The following RGS5 variants were observed in gnomAD, a reference collection of about 807,000 sequenced individuals.
The protein encoded by RGS5 is regulator of G protein signaling 5.
RGS5 carries 20 observed loss-of-function variants against 18.9 expected under a neutral mutation model. The observed-to-expected ratio is 1.06, with a 90% confidence interval of 0.74 to 1.54. The LOEUF (loss-of-function observed/expected upper bound fraction) is 1.54, where lower values mean the gene tolerates loss of function less well. RGS5 is among the 40% of genes most tolerant of loss of function. The pLI is 0.00. For missense variants in RGS5, 201 were observed against 211.8 expected (o/e 0.95, Z 0.32); for synonymous variants, 57 against 76.2 (o/e 0.75, Z 1.31).
intron 1 of RGS5, among the ~76,000 whole-genome samples, chr1:163,310,006 G>A (rs142173826): frequency 6.6e-6 from 1 of 152,182 alleles, no homozygotes; most frequent in African/African-American, 2.4e-5. Flanking sequence ...GCAGTAATAT[G>A]AAATAAATCT....
intron 1 of RGS5, among the ~76,000 whole-genome samples, chr1:163,198,544 A>G (rs911648361): frequency 1.3e-5 from 2 of 152,216 alleles, no homozygotes; most frequent in African/African-American, 4.8e-5. Flanking sequence ...ATGAATAACC[A>G]TAAGCACACA....
At position 163,190,150 on chromosome 1, in the gene RGS5, T is replaced by C. The variant is rs955766314; in HGVS notation, c.44+12642A>G. 3.3e-5 allele frequency among the ~76,000 whole-genome samples: 5 copies of C among 152,090 alleles called. No individual in the cohort carries two copies. In the East Asian group the frequency reaches 5.8e-4, roughly 18 times the overall value. On this transcript the variant is annotated intron_variant, in intron 1 of 4. Coordinates refer to ENST00000313961, the MANE Select transcript of RGS5 (RefSeq NM_003617.4). ...CACACTAAATTAGAACCAATAAGATTGCTCAAGCCCAAGCAATATAGAGTA... is the reference window on the plus strand; with the variant it reads ...CACACTAAATTAGAACCAATAAGATCGCTCAAGCCCAAGCAATATAGAGTA...
intron 4 of RGS5, among the ~76,000 whole-genome samples, chr1:163,150,721 A>G (rs1025010173): frequency 2.0e-5 from 3 of 152,168 alleles, no homozygotes; most frequent in Non-Finnish European, 4.4e-5. Flanking sequence ...GACCCACAGT[A>G]CTGTACATTC....
upstream of RGS5, among the ~76,000 whole-genome samples, chr1:163,220,320 T>A (rs1647205080): frequency 9.6e-6 from 1 of 103,738 alleles, no homozygotes; most frequent in South Asian, 3.2e-4. Flanking sequence ...ATTAAAATAA[T>A]CACGTTTTTC....
intron 2 of RGS5, among the ~76,000 whole-genome samples, chr1:163,246,085 C>T (rs867996460): frequency 3.3e-5 from 5 of 151,676 alleles, no homozygotes; most frequent in Non-Finnish European, 5.9e-5. Context: ...GGCGTGGTGG[C>T]GGGCACCTGC....
chr1:163,201,647 A>G (rs1659774861), intron 1 of RGS5, among the ~76,000 whole-genome samples: 1 of 152,126 alleles, frequency 6.6e-6, no homozygotes, highest in African/African-American at 2.4e-5. Flanking sequence ...TTCAGTTACT[A>G]GATAGTATTG....
At chr1:163,303,087 A>G (rs78701898) in intron 2 of RGS5, among the ~76,000 whole-genome samples, 3,082 of 152,334 alleles carry the variant, frequency 0.02, 47 homozygotes, top group South Asian at 0.051. Context: ...GAAAGAACAC[A>G]TAGTTAAATT....
chr1:163,208,692 A>T (rs1318319208), intron 1 of RGS5, among the ~76,000 whole-genome samples: 2 of 152,062 alleles, frequency 1.3e-5, no homozygotes, highest in Non-Finnish European at 1.5e-5. Flanking sequence ...ACAGACAATA[A>T]ATCCAAGTCA....
chr1:163,229,377 C>A (rs1647415581), intron 2 of RGS5, among the ~76,000 whole-genome samples: 1 of 152,122 alleles, frequency 6.6e-6, no homozygotes, highest in Non-Finnish European at 1.5e-5. Flanking sequence ...TGGGGGAAGC[C>A]TCCCCTGTGA....
chr1:163,286,037 A>T (rs1338706107), intron 2 of RGS5, among the ~76,000 whole-genome samples: 1 of 151,480 alleles, frequency 6.6e-6, no homozygotes, highest in Non-Finnish European at 1.5e-5. Flanking sequence ...GACACACCCC[A>T]CTATATATAT....
upstream of RGS5, among the ~76,000 whole-genome samples, chr1:163,206,025 C>T (rs774583090): frequency 5.9e-5 from 9 of 152,162 alleles, no homozygotes; most frequent in Non-Finnish European, 7.4e-5. Context: ...TCTTCACCTT[C>T]ATGTTGCTTG....
intron 2 of RGS5, among the ~76,000 whole-genome samples, chr1:163,280,190 G>T (rs973436818): frequency 4.5e-5 from 5 of 111,532 alleles, no homozygotes; most frequent in African/African-American, 1.7e-4. Flanking sequence ...ACCAAAACCA[G>T]ACAGGCACAA....
intron 1 of RGS5, among the ~76,000 whole-genome samples, chr1:163,199,058 A>G (rs1659678560): frequency 2.0e-5 from 3 of 152,198 alleles, no homozygotes; most frequent in Admixed American, 2.0e-4. Flanking sequence ...GAGAAATTCA[A>G]CAGACTCTGA....
chr1:163,244,746 T>C (rs1210693862), intron 2 of RGS5: 2 of 152,184 alleles, frequency 1.3e-5, no homozygotes, highest in African/African-American at 2.4e-5. Context: ...ACTTGTTCTG[T>C]GATGAATCAC....
chr1:163,288,007 A>C (rs941134621), intron 2 of RGS5, among the ~76,000 whole-genome samples: 1 of 152,206 alleles, frequency 6.6e-6, no homozygotes, highest in African/African-American at 2.4e-5. Flanking sequence ...TATTTCTAAT[A>C]ATCTCGATAG....
chr1:163,292,826 T>C (rs185559115), intron 2 of RGS5, among the ~76,000 whole-genome samples: 55 of 152,018 alleles, frequency 3.6e-4, no homozygotes, highest in African/African-American at 1.3e-3. Context: ...TCTTTTGAGA[T>C]GTTTTTGTTC....
chr1:163,210,493 T>G (rs1660079206), intron 1 of RGS5, among the ~76,000 whole-genome samples: 1 of 152,188 alleles, frequency 6.6e-6, no homozygotes, highest in Non-Finnish European at 1.5e-5. Flanking sequence ...TTCCAGTGAC[T>G]TTTTAGGAGG....
chr1:163,147,949 G>A (rs1449551353), intron 4 of RGS5, among the ~76,000 whole-genome samples: 1 of 13,140 alleles, frequency 7.6e-5, no homozygotes. Context: ...TTGTTGGATA[G>A]AGTCTAGTTC....
At chr1:163,149,326 A>G (rs995923150) in intron 4 of RGS5, among the ~76,000 whole-genome samples, 2 of 152,208 alleles carry the variant, frequency 1.3e-5, no homozygotes, top group African/African-American at 4.8e-5. Context: ...CGCCACACTG[A>G]AAGCAATGCT....
Sources: gnomAD v4.1 joint callset for allele counts (sites outside exome capture counted in the v4.1 genomes callset) on GRCh38, gnomAD v4.1.1 for gene constraint, MANE v1.5 for transcripts, NCBI Gene and HGNC (gene_info 2026-07-23, HGNC 2026-07-21) for gene names.